Variants in BRD7 observed in about 807,000 individuals in gnomAD.
BRD7 encodes the protein bromodomain containing 7, also known as bromodomain-containing protein 7.
BRD7 carries 15 observed loss-of-function variants against 82.1 expected under a neutral mutation model. The ratio of observed to expected loss-of-function variants is 0.18; its 90% CI spans 0.12 to 0.28. BRD7 has a LOEUF of 0.28. BRD7 is among the 10% of genes least tolerant of loss of function. The probability of loss-of-function intolerance (pLI) is 1.00; values close to 1 mark genes in which losing one functional copy is unlikely to be tolerated. For missense variants in BRD7, 638 were observed against 779.9 expected (o/e 0.82, Z 2.17); for synonymous variants, 232 against 266.9 (o/e 0.87, Z 1.27).
intron 13 of BRD7, among the ~76,000 whole-genome samples, chr16:50,321,560 C>G (rs1221247518): frequency 1.1e-5 from 1 of 90,924 alleles, no homozygotes; most frequent in Non-Finnish European, 2.0e-5. Flanking sequence ...GAGCGGGACT[C>G]CATCTCAAAA....
intron 5 of BRD7, among the ~76,000 whole-genome samples, chr16:50,349,780 C>T (rs2038444545): frequency 6.6e-6 from 1 of 152,154 alleles, no homozygotes; most frequent in Non-Finnish European, 1.5e-5. Context: ...CTGTGGAACA[C>T]ATATCAAACT....
intron 2 of BRD7, among the ~76,000 whole-genome samples, chr16:50,355,318 C>T (rs547208744): frequency 1.7e-4 from 26 of 152,234 alleles, no homozygotes; most frequent in East Asian, 1.5e-3. Context: ...TCAATACATT[C>T]GATGTAATGC....
At chr16:50,354,306 A>C in intron 4 of BRD7, 119 bp downstream of exon 4, 1 of 847,244 alleles carries the variant, frequency 1.2e-6, no homozygotes, top group African/African-American at 1.8e-5. Context: ...CTGCCAGGCA[A>C]AATATTTATC....
intron 8 of BRD7, among the ~76,000 whole-genome samples, chr16:50,330,760 C>CTTTA (rs761351121): frequency 3.3e-5 from 5 of 152,026 alleles, no homozygotes; most frequent in Non-Finnish European, 7.4e-5. Context: ...CTCAAATGCC[C>CTTTA]TTTAGTTCAC....
intron 4 of BRD7, among the ~76,000 whole-genome samples, chr16:50,350,464 T>C (rs2038472068): frequency 6.6e-6 from 1 of 152,164 alleles, no homozygotes; most frequent in South Asian, 2.1e-4. Flanking sequence ...CAACCTCAAC[T>C]AACTGACCAA....
chr16:50,362,449 G>A (rs2038968616), intron 2 of BRD7, among the ~76,000 whole-genome samples: 1 of 152,348 alleles, frequency 6.6e-6, no homozygotes, highest in Admixed American at 6.5e-5. Flanking sequence ...ATTTGTGGGT[G>A]TGTATCCAAA....
rs114443363 is a variant in BRD7 at position 50,333,149 on chromosome 16, C to T, written c.1011+425G>A. Reference sequence around the variant, plus strand: ...TGAATCTAAAATTAAATAAAACCAACATGCTAAACAATATGATTTCAAAAG... The same window carrying T: ...TGAATCTAAAATTAAATAAAACCAATATGCTAAACAATATGATTTCAAAAG... On this transcript the variant is annotated intron_variant, in intron 8 of 16. Transcript: ENST00000394688. 2.6e-3 allele frequency among the ~76,000 whole-genome samples: 394 copies of T among 152,254 alleles called. 2 individuals are homozygous for T. Among genetic ancestry groups the T allele is most frequent in the African/African-American group, 9.1e-3 (379 of 41,530 alleles).
chr16:50,358,397 G>C (rs2038819972), intron 2 of BRD7, among the ~76,000 whole-genome samples: 1 of 69,096 alleles, frequency 1.4e-5, no homozygotes, highest in Non-Finnish European at 3.2e-5. Context: ...TTGGGAGGCT[G>C]AGGTAGGAGC....
chr16:50,345,482 T>A (rs909710453), intron 5 of BRD7, among the ~76,000 whole-genome samples: 1 of 151,832 alleles, frequency 6.6e-6, no homozygotes, highest in Non-Finnish European at 1.5e-5. Context: ...GCAAATTGGA[T>A]AAAGAGTCAA....
chr16:50,331,767 A>G (rs1467503225), intron 8 of BRD7, among the ~76,000 whole-genome samples: 1 of 152,238 alleles, frequency 6.6e-6, no homozygotes, highest in Non-Finnish European at 1.5e-5. Flanking sequence ...CCAAAACAGC[A>G]TGATACTGAT....
Position 50,333,633 on chromosome 16 carries a change from G to C in BRD7, c.952C>G (p.Leu318Val). 6.2e-7 allele frequency: 1 copy of C among 1,611,612 alleles called. No homozygotes were observed. The highest frequency in any genetic ancestry group is 8.5e-7 in the Non-Finnish European group (1 of 1,179,578). The change falls in exon 8 of 17, where the codon CTT (leucine) becomes GTT (valine). Residue 318 changes from leucine to valine, a missense_variant. Leu to Val is a conservative substitution (Grantham distance 32). Transcript: ENST00000394688. ...SNNLEREQEQLDRIVKESGGK... is the reference protein window; with the variant it reads ...SNNLEREQEQVDRIVKESGGK... Reference sequence around the variant, plus strand: ...CCAGATTCCTTCACGATGCGGTCAAGCTGCTCCTGCTCTCTCTCTAAATTA... The same window carrying C: ...CCAGATTCCTTCACGATGCGGTCAACCTGCTCCTGCTCTCTCTCTAAATTA...
chr16:50,365,573 A>C (rs1820106790), intron 2 of BRD7, among the ~76,000 whole-genome samples: 1 of 152,240 alleles, frequency 6.6e-6, no homozygotes. Context: ...AGGAGAAAAA[A>C]ACAGGAAAAA....
chr16:50,321,944 C>T (rs377714843), intron 13 of BRD7, 38 bp downstream of exon 13: 160 of 1,571,386 alleles, frequency 1.0e-4, no homozygotes, highest in South Asian at 1.6e-4. Context: ...CCTTATTTTC[C>T]ATTTAAATAT....
At position 50,368,269 on chromosome 16, in the gene BRD7, G is replaced by A. The variant is rs1459297516; in HGVS notation, c.79C>T (p.Leu27Phe). The A allele has an allele frequency of 2.5e-6, 4 of 1,614,022 alleles. No homozygotes were observed. Among genetic ancestry groups the A allele is most frequent in the African/African-American group, 1.3e-5 (1 of 74,900 alleles). The change falls in exon 2 of 17, where the codon CTC becomes TTC. Residue 27 changes from leucine (L) to phenylalanine (F), a missense_variant. Leu to Phe is a conservative substitution (Grantham distance 22). Coordinates refer to ENST00000394688, the MANE Select transcript of BRD7 (RefSeq NM_013263.5). The stretch of plus-strand genomic sequence containing the variant: ...GTGACTTCGTTCCCTCCTACTTTGA[G>A]GACCAGCTTCAAGGGCTTCTCTACA... ...EYVEKPLKLV[L>F]KVGGNEVTEL...
intron 2 of BRD7, among the ~76,000 whole-genome samples, chr16:50,359,356 T>C (rs993302249): frequency 1.3e-5 from 2 of 152,214 alleles, no homozygotes; most frequent in South Asian, 2.1e-4. Context: ...ATCTTTAAAA[T>C]AGACACAAGA....
rs2038129317 is a variant in BRD7, at chr16:50,342,916, C to G, written c.592-2830G>C. On this transcript the variant is annotated intron_variant, in intron 5 of 16. Transcript: ENST00000394688. ...ATTTTAATATACATGGTTCCTTTCC[C>G]TGGAATCAACACACACCAGGACACT... 1.3e-5 allele frequency among the ~76,000 whole-genome samples: 2 copies of G among 152,040 alleles called. 1 individual carries two copies. Among genetic ancestry groups the G allele is most frequent in the South Asian group, 4.1e-4 (2 of 4,824 alleles).
At chr16:50,332,723 T>A (rs1370654170) in intron 8 of BRD7, among the ~76,000 whole-genome samples, 1 of 150,964 alleles carries the variant, frequency 6.6e-6, no homozygotes, top group Non-Finnish European at 1.5e-5. Context: ...AGACACAGAA[T>A]CAACCTAGGT....
intron 8 of BRD7, among the ~76,000 whole-genome samples, chr16:50,332,895 A>C (rs1390473510): frequency 6.6e-6 from 1 of 152,166 alleles, no homozygotes; most frequent in Non-Finnish European, 1.5e-5. Context: ...AAAAACAAAT[A>C]TTGCCATGTT....
chr16:50,332,710 C>T (rs957691922), intron 8 of BRD7, among the ~76,000 whole-genome samples: 1 of 152,054 alleles, frequency 6.6e-6, no homozygotes, highest in African/African-American at 2.4e-5. Flanking sequence ...CTGTGCACAA[C>T]AAAGACACAG....
Sources: allele counts gnomAD v4.1 joint callset (sites outside exome capture counted in the v4.1 genomes callset), GRCh38; gene constraint gnomAD v4.1.1; transcripts MANE v1.5; gene names NCBI Gene and HGNC (gene_info 2026-07-23, HGNC 2026-07-21).